The following PCDH7 variants were observed in gnomAD, a reference collection of about 807,000 sequenced individuals.
PCDH7 encodes the protein protocadherin 7, also known as protocadherin-7.
Under a neutral mutation model 58.9 loss-of-function variants are expected in PCDH7, and 17 were observed. The observed-to-expected ratio is 0.29, with a 90% CI of 0.20 to 0.43. The LOEUF (loss-of-function observed/expected upper bound fraction) is 0.43, where lower values mean the gene tolerates loss of function less well. Ranked by LOEUF, PCDH7 falls within the 20% of genes least tolerant of loss-of-function variation. PCDH7 has a pLI of 1.00. For synonymous variants in PCDH7, 664 were observed against 616.4 expected (o/e 1.08, Z -1.14); for missense variants, 1,274 against 1,441.0 (o/e 0.88, Z 1.88).
downstream of PCDH7, among the ~76,000 whole-genome samples, chr4:30,734,845 A>C (rs1716024336): frequency 6.6e-6 from 1 of 152,082 alleles, no homozygotes; most frequent in Admixed American, 6.5e-5. Flanking sequence ...TGGGGTGGCT[A>C]TTTTATATTA....
At chr4:31,067,793 G>A (rs1758216011) in intron 3 of PCDH7, among the ~76,000 whole-genome samples, 1 of 151,916 alleles carries the variant, frequency 6.6e-6, no homozygotes, top group Admixed American at 6.6e-5. Context: ...ATTTTGAGAC[G>A]TTCATTCTAA....
chr4:30,781,395 C>T (rs1051299453), intron 1 of PCDH7, among the ~76,000 whole-genome samples: 30 of 152,174 alleles, frequency 2.0e-4, no homozygotes, highest in African/African-American at 6.5e-4. Flanking sequence ...CGGCCTCGGC[C>T]TCCCAAAGTG....
chr4:30,998,290 GAATGCC>G (rs1752071332), intron 3 of PCDH7, among the ~76,000 whole-genome samples: 2 of 152,106 alleles, frequency 1.3e-5, no homozygotes. Context: ...CTGGAGAGTG[GAATGCC>G]ATTGAAGAGA....
At chr4:30,922,062 T>C (rs1245587621) in intron 2 of PCDH7, among the ~76,000 whole-genome samples, 1 of 151,730 alleles carries the variant, frequency 6.6e-6, no homozygotes, top group Non-Finnish European at 1.5e-5. Context: ...CACATGTAAT[T>C]GCATGTATGT....
chr4:30,747,371 A>G lies in PCDH7; in HGVS notation c.70+22775A>G, dbSNP rs184022177. On this transcript the variant is annotated intron_variant, in intron 1 of 3. Transcript: ENST00000509759. ...ATAATGAATGCAGTGTCCGAAAACAACAAACTTTTTTATTTTAAATGGCTC... is the reference window on the plus strand; with the variant it reads ...ATAATGAATGCAGTGTCCGAAAACAGCAAACTTTTTTATTTTAAATGGCTC... 2.3e-3 allele frequency among the ~76,000 whole-genome samples: 345 copies of G among 151,622 alleles called. 2 individuals are homozygous for G. Among genetic ancestry groups the G allele is most frequent in the African/African-American group, 7.7e-3 (318 of 41,424 alleles).
chr4:30,739,309 A>G (rs1175093884), intron 1 of PCDH7, among the ~76,000 whole-genome samples: 1 of 151,448 alleles, frequency 6.6e-6, no homozygotes, highest in Non-Finnish European at 1.5e-5. Context: ...AACAGCGAAT[A>G]GACTTTTTCT....
chr4:31,097,531 GA>G (rs1714192883), intron 3 of PCDH7, among the ~76,000 whole-genome samples: 2 of 130,474 alleles, frequency 1.5e-5, no homozygotes, highest in Non-Finnish European at 3.2e-5. Context: ...AAGAAAGAAA[GA>G]AAGAAAGAAA....
At position 30,722,059 on chromosome 4, in the gene PCDH7, G is replaced by C. The variant is rs1447511351; in HGVS notation, c.637G>C (p.Gly213Arg). 2 of 1,239,680 alleles carry C rather than the reference G, an allele frequency of 1.6e-6. No homozygotes were observed. Among genetic ancestry groups the C allele is most frequent in the Non-Finnish European group, 2.0e-6 (2 of 993,832 alleles). The allele number at this position is 1,239,680 out of a possible 1,614,324, so 76.8% of individuals were successfully genotyped here. Reference sequence around the variant, plus strand: ...CCCCTACCCCGGGGGCGGCGGGAACGGCGCGAGCGGCGGCGGCTCGGGAGG... The same window carrying C: ...CCCCTACCCCGGGGGCGGCGGGAACCGCGCGAGCGGCGGCGGCTCGGGAGG... The change falls in exon 1 of 2, where the codon GGC (glycine) becomes CGC (arginine). Residue 213 changes from glycine to arginine, a missense_variant. Coordinates refer to ENST00000361762, the Ensembl canonical transcript of PCDH7. This position sits in a 1 kb window ranked among gnomAD's most constrained non-coding sequence, Gnocchi z 7.6.
intron 1 of PCDH7, among the ~76,000 whole-genome samples, chr4:30,840,586 T>C (rs1439336571): frequency 6.6e-6 from 1 of 152,064 alleles, no homozygotes; most frequent in Non-Finnish European, 1.5e-5. Context: ...GAAACAATAA[T>C]GAGAAAAAAA....
At chr4:30,727,763 T>C (rs1465273353) in intron 1 of PCDH7, among the ~76,000 whole-genome samples, 1 of 151,956 alleles carries the variant, frequency 6.6e-6, no homozygotes, top group Non-Finnish European at 1.5e-5. Flanking sequence ...TGTTTATTTT[T>C]AAGTCTCTGG....
At chr4:30,795,402 GCA>G (rs1224697910) in intron 1 of PCDH7, among the ~76,000 whole-genome samples, 1 of 152,150 alleles carries the variant, frequency 6.6e-6, no homozygotes, top group Non-Finnish European at 1.5e-5. Context: ...GCACTTCCTG[GCA>G]TAAAGTAAGA....
intron 1 of PCDH7, chr4:30,725,177 T>C: frequency 7.8e-5 from 78 of 999,840 alleles, no homozygotes; most frequent in Non-Finnish European, 9.3e-5. Flanking sequence ...TTTACTGATA[T>C]GCAAATGTCA....
At chr4:30,802,517 G>A (rs1303629429) in intron 1 of PCDH7, among the ~76,000 whole-genome samples, 1 of 152,014 alleles carries the variant, frequency 6.6e-6, no homozygotes, top group East Asian at 1.9e-4. Flanking sequence ...TCCTGTCAGA[G>A]GCAGGAAGGA....
Position 30,980,244 on chromosome 4 carries a change from C to A in PCDH7, c.*7+30029C>A, listed in dbSNP as rs140064292. Reference sequence around the variant, plus strand: ...GGACTACAGTGGAGCTTTCTGGTAACAAAACACATTTTTCTAAATATAAGA... The same window carrying A: ...GGACTACAGTGGAGCTTTCTGGTAAAAAAACACATTTTTCTAAATATAAGA... On this transcript the variant is annotated intron_variant, in intron 3 of 3. Coordinates refer to the PCDH7 transcript ENST00000509759. Among the ~76,000 whole-genome samples, 209 of 152,230 alleles carry A rather than the reference C, an allele frequency of 1.4e-3. 1 individual carries two copies. Among genetic ancestry groups the A allele is most frequent in the African/African-American group, 4.9e-3 (205 of 41,550 alleles).
intron 3 of PCDH7, among the ~76,000 whole-genome samples, chr4:31,050,649 A>G (rs1756660893): frequency 6.6e-6 from 1 of 152,120 alleles, no homozygotes; most frequent in Admixed American, 6.6e-5. Context: ...TACTGAAATG[A>G]TATTTATACT....
In PCDH7 at chr4:30,781,281, C is replaced by T. The variant is rs190003317; in HGVS notation, c.70+56685C>T. Among the ~76,000 whole-genome samples the T allele has an allele frequency of 2.0e-5, 3 of 150,982 alleles. No homozygotes were observed. The East Asian group carries it at 5.9e-4, about 30-fold the overall frequency. The stretch of plus-strand genomic sequence containing the variant: ...TCAGCCTTCCGAGTAGCTGGGACTA[C>T]AGGTGCCCACCACCACGCCTGGCTA... On this transcript the variant is annotated intron_variant, in intron 1 of 3. Coordinates refer to the PCDH7 transcript ENST00000509759.
intron 1 of PCDH7, among the ~76,000 whole-genome samples, chr4:30,831,321 C>A (rs1321858042): frequency 6.6e-6 from 1 of 152,086 alleles, no homozygotes; most frequent in Non-Finnish European, 1.5e-5. Context: ...GAAAAGGAGC[C>A]TGGGATATGG....
At chr4:30,782,391 T>G (rs1455224882) in intron 1 of PCDH7, among the ~76,000 whole-genome samples, 3 of 152,208 alleles carry the variant, frequency 2.0e-5, no homozygotes, top group Non-Finnish European at 4.4e-5. Context: ...CATAAGCAGA[T>G]TAAACACTCT....
At position 30,722,645 on chromosome 4, in the gene PCDH7, A is replaced by T; in HGVS notation, c.1223A>T (p.Glu408Val). 6.2e-7 allele frequency: 1 copy of T among 1,613,492 alleles called. No individual in the cohort carries two copies. Among genetic ancestry groups the T allele is most frequent in the Non-Finnish European group, 8.5e-7 (1 of 1,180,030 alleles). The change falls in exon 1 of 2, where the codon GAG (glutamate) becomes GTG (valine). Residue 408 changes from glutamate (E) to valine (V), a missense_variant. Physicochemically the swap from Glu to Val is moderately radical, Grantham distance 121 (BLOSUM62 -2). Transcript: ENST00000361762. The surrounding 1 kb of genome is among the most constrained non-coding windows in gnomAD (Gnocchi z 7.6). Reference sequence around the variant, plus strand: ...ACCGTGGTCCTTAACATCAAAGACGAGAACGACAACGTGCCGTCCATTGAA... The same window carrying T: ...ACCGTGGTCCTTAACATCAAAGACGTGAACGACAACGTGCCGTCCATTGAA...
Sources: gnomAD v4.1 joint callset for allele counts (sites outside exome capture counted in the v4.1 genomes callset) on GRCh38, gnomAD v4.1.1 for gene constraint, Gnocchi (gnomAD v3.1) non-coding constraint, MANE v1.5 for transcripts, NCBI Gene and HGNC (gene_info 2026-07-23, HGNC 2026-07-21) for gene names.